The following PLCB4 variants were observed in gnomAD, a reference collection of about 807,000 sequenced individuals.
The protein encoded by PLCB4 is phospholipase C beta 4.
PLCB4 carries 77 observed loss-of-function variants against 178.8 expected under a neutral mutation model. That is an observed-to-expected ratio of 0.43 (90% CI 0.36 to 0.52). The LOEUF (loss-of-function observed/expected upper bound fraction) is 0.52, where lower values mean the gene tolerates loss of function less well. PLCB4 is among the 20% of genes least tolerant of loss of function. The pLI, the probability that PLCB4 is intolerant of heterozygous loss-of-function variation, is 0.00. For synonymous variants in PLCB4, 496 were observed against 490.8 expected (o/e 1.01, Z -0.14); for missense variants, 1,024 against 1,453.4 (o/e 0.70, Z 4.80).
At position 9,077,420 on chromosome 20, in the gene PLCB4, GC is replaced by G. The variant is rs559491226; in HGVS notation, c.-135+8215del. 1.4e-4 allele frequency among the ~76,000 whole-genome samples: 21 copies of G among 152,270 alleles called. No individual in the cohort carries two copies. The East Asian group carries it at 4.1e-3, about 29-fold the overall frequency. ...TGAAATTTGTGGAACCTCTGATTAT[GC>G]AGCTGAACATAGCCTCTAATTGCAG... On this transcript the variant is annotated intron_variant, in intron 1 of 39. Coordinates refer to ENST00000378473, the MANE Select transcript of PLCB4 (RefSeq NM_001377142.1).
rs746218111 is a variant in PLCB4, at chr20:9,444,254, C to G, written c.2880+11C>G. 1.3e-6 allele frequency: 2 copies of G among 1,528,964 alleles called. No homozygotes were observed. Among genetic ancestry groups the G allele is most frequent in the Non-Finnish European group, 9.0e-7 (1 of 1,107,504 alleles). 94.7% of individuals were successfully genotyped at this position (1,528,964 alleles called of 1,614,324 possible). ...AAGAAACATGCAAAGGTACAGTGCT[C>G]TACAGCTACTATTTTGTGTTATGTA... is the stretch of plus-strand genomic sequence containing the variant. On this transcript the variant is annotated intron_variant, in intron 32 of 39. Coordinates refer to ENST00000378473, the MANE Select transcript of PLCB4 (RefSeq NM_001377142.1).
intron 1 of PLCB4, among the ~76,000 whole-genome samples, chr20:9,085,255 T>TTA (rs2090356490): frequency 6.6e-6 from 1 of 152,094 alleles, no homozygotes; most frequent in South Asian, 2.1e-4. Context: ...TTCTTCTCCT[T>TTA]TACATATGTG....
intron 2 of PLCB4, among the ~76,000 whole-genome samples, chr20:9,179,074 T>C (rs2147079871): frequency 6.6e-6 from 1 of 152,344 alleles, no homozygotes; most frequent in South Asian, 2.1e-4. Context: ...GGTGAGTTTT[T>C]CTAGATTTGT....
At chr20:9,314,745 T>C (rs1271272362) in intron 4 of PLCB4, among the ~76,000 whole-genome samples, 1 of 152,096 alleles carries the variant, frequency 6.6e-6, no homozygotes, top group Non-Finnish European at 1.5e-5. Context: ...CTCTCAGTCC[T>C]CTTCTCTCAG....
At chr20:9,072,555 C>T (rs1230027396) in intron 1 of PLCB4, among the ~76,000 whole-genome samples, 2 of 152,020 alleles carry the variant, frequency 1.3e-5, no homozygotes, top group South Asian at 2.1e-4. Context: ...GTGATGTTTA[C>T]ATTGTCTTGG....
chr20:9,084,102 T>G (rs6086763), intron 1 of PLCB4, among the ~76,000 whole-genome samples: 73,945 of 151,910 alleles, frequency 0.49, 18,476 homozygotes, highest in Middle Eastern at 0.57. Context: ...GGTGATTTTT[T>G]TCTTGAGTTG....
At chr20:9,224,346 T>G (rs1262709736) in intron 3 of PLCB4, among the ~76,000 whole-genome samples, 2 of 152,144 alleles carry the variant, frequency 1.3e-5, no homozygotes, top group Non-Finnish European at 2.9e-5. Context: ...TGGACAGTCC[T>G]TAACAAAATG....
chr20:9,472,782 GC>G lies in PLCB4; in HGVS notation c.3351-7del. 1 of 1,576,020 alleles carries G rather than the reference GC, an allele frequency of 6.3e-7. No individual in the cohort carries two copies. The highest frequency in any genetic ancestry group is 8.7e-7 in the Non-Finnish European group (1 of 1,152,912). The stretch of plus-strand genomic sequence containing the variant: ...ATACCAACCGTTATTTGTGCCCATT[GC>G]TTTTAGGCGAGTCAGGGAGTTAAAC... On this transcript the variant is annotated splice_polypyrimidine_tract_variant and splice_region_variant and intron_variant, in intron 36 of 39. Coordinates refer to ENST00000378473, the MANE Select transcript of PLCB4 (RefSeq NM_001377142.1).
intron 16 of PLCB4, 43 bp from the exon 17 acceptor site, chr20:9,390,488 T>C: frequency 1.1e-6 from 1 of 918,758 alleles, no homozygotes; most frequent in Non-Finnish European, 1.8e-6. Context: ...CTTGGACGGT[T>C]AATGGGTGTT....
chr20:9,371,949 G>A (rs7274956), intron 10 of PLCB4, among the ~76,000 whole-genome samples: 3,823 of 152,210 alleles, frequency 0.025, 67 homozygotes, highest in Middle Eastern at 0.037. Flanking sequence ...TAAACCTTGG[G>A]CTTGATTTAT....
chr20:9,072,935 T>C (rs2089644437), intron 1 of PLCB4, among the ~76,000 whole-genome samples: 1 of 152,194 alleles, frequency 6.6e-6, no homozygotes. Context: ...ACACCTCTCT[T>C]ACTCACTACT....
At chr20:9,270,885 A>G (rs934950196) in intron 3 of PLCB4, among the ~76,000 whole-genome samples, 1 of 152,130 alleles carries the variant, frequency 6.6e-6, no homozygotes, top group African/African-American at 2.4e-5. Flanking sequence ...TCATGGAAAG[A>G]TCAGTGAATA....
At position 9,081,768 on chromosome 20, in the gene PLCB4, CA is replaced by C. The variant is rs10629831; in HGVS notation, c.-135+12577del. On this transcript the variant is annotated intron_variant, in intron 1 of 39. Transcript: ENST00000378473. The stretch of plus-strand genomic sequence containing the variant: ...TTAGGAAAACAATCTGATGATTAAG[CA>C]AAAAAAAAAAAAAAGCCAAAGTTTA... Among the ~76,000 whole-genome samples the C allele has an allele frequency of 2.1e-3, 191 of 90,428 alleles. 3 individuals are homozygous for C. Among genetic ancestry groups the C allele is most frequent in the African/African-American group, 4.4e-3 (100 of 22,588 alleles). 59.3% of individuals were successfully genotyped at this position (90,428 alleles called of 152,430 possible).
At chr20:9,202,215 GGAGTGGGAAGAGAGACT>G (rs1053709828) in intron 2 of PLCB4, among the ~76,000 whole-genome samples, 100 of 152,242 alleles carry the variant, frequency 6.6e-4, no homozygotes, top group Middle Eastern at 6.8e-3. Flanking sequence ...TGGTTGTGTG[GGAGTGGGAAGAGAGACT>G]GACTGTCAAA....
chr20:9,360,860 C>T (rs1474381647), intron 7 of PLCB4, among the ~76,000 whole-genome samples: 1 of 152,198 alleles, frequency 6.6e-6, no homozygotes, highest in African/African-American at 2.4e-5. Flanking sequence ...AAATTTACCT[C>T]TTATAACCCC....
In PLCB4 at chr20:9,279,069, A is replaced by G. The variant is rs192319091; in HGVS notation, c.-15-28731A>G. On this transcript the variant is annotated intron_variant, in intron 3 of 39. Transcript: ENST00000378473. ...ATACGTTGTATGTTGGATGGCCTCA[A>G]TTAAGCAAGATGCTAATAACTTTAT... is the stretch of plus-strand genomic sequence containing the variant. 2.2e-3 allele frequency among the ~76,000 whole-genome samples: 331 copies of G among 152,210 alleles called. 2 individuals are homozygous for G. The highest frequency in any genetic ancestry group is 7.7e-3 in the African/African-American group (319 of 41,564).
intron 7 of PLCB4, among the ~76,000 whole-genome samples, chr20:9,350,298 A>G (rs1171370721): frequency 2.6e-5 from 4 of 152,198 alleles, no homozygotes; most frequent in African/African-American, 9.7e-5. Context: ...GCAGGAAAAT[A>G]GTTTATATTG....
intron 35 of PLCB4, among the ~76,000 whole-genome samples, chr20:9,466,756 G>C (rs945154543): frequency 6.6e-6 from 1 of 152,104 alleles, no homozygotes; most frequent in African/African-American, 2.4e-5. Context: ...TTAGAATGGC[G>C]ATCATTAAAA....
chr20:9,302,170 CT>C lies in PLCB4; in HGVS notation c.-15-5619del, dbSNP rs373716687. Among the ~76,000 whole-genome samples, 556 of 143,564 alleles carry C rather than the reference CT, an allele frequency of 3.9e-3. 3 individuals are homozygous for C. The highest frequency in any genetic ancestry group is 0.012 in the African/African-American group (475 of 39,270). 94.2% of individuals were successfully genotyped at this position (143,564 alleles called of 152,430 possible). On this transcript the variant is annotated intron_variant, in intron 3 of 39. Coordinates refer to ENST00000378473, the MANE Select transcript of PLCB4 (RefSeq NM_001377142.1). ...ACTTTTGGCATGGTACAATCAAAGC[CT>C]TTTTTTTTTTCAAGCCAGTTAGTTG... is the stretch of plus-strand genomic sequence containing the variant.
Sources: gnomAD v4.1 joint callset for allele counts (sites outside exome capture counted in the v4.1 genomes callset) on GRCh38, gnomAD v4.1.1 for gene constraint, MANE v1.5 for transcripts, NCBI Gene and HGNC (gene_info 2026-07-23, HGNC 2026-07-21) for gene names.